ABCA4: variants seen among roughly 807,000 people sequenced by gnomAD.
The protein encoded by ABCA4 is ATP binding cassette subfamily A member 4, also known as retinal-specific phospholipid-transporting ATPase ABCA4.
A neutral mutation model predicts 263.7 loss-of-function variants in ABCA4; 196 were observed. The ratio of observed to expected loss-of-function variants is 0.74; its 90% CI spans 0.66 to 0.84. The LOEUF (loss-of-function observed/expected upper bound fraction) is 0.84, where lower values mean the gene tolerates loss of function less well. Among genes scored for constraint, ABCA4 ranks in the 40% least tolerant of loss-of-function variants. ABCA4 has a pLI of 0.00. For missense variants in ABCA4, 2,792 were observed against 2,855.1 expected (o/e 0.98, Z 0.50); for synonymous variants, 1,133 against 1,094.2 (o/e 1.04, Z -0.70).
At position 94,046,995 on chromosome 1, in the gene ABCA4, G is replaced by A. The variant is rs751222829; in HGVS notation, c.2842C>T (p.Arg948Cys). Residue 948 changes from arginine to cysteine, a missense_variant, in exon 19 of 50, where the codon CGT (arginine) becomes TGT (cysteine). Transcript: ENST00000370225. ...FEPCGRPAVD[R>C]LNITFYENQI... ...TTCTCGTAGAAGGTGATGTTCAGAC[G>A]GTCCACAGCTGGCCGGCCACAGGGC... 3.7e-6 allele frequency: 6 copies of A among 1,613,980 alleles called. No individual in the cohort carries two copies. Among genetic ancestry groups the A allele is most frequent in the African/African-American group, 2.7e-5 (2 of 74,874 alleles).
In ABCA4 at chr1:94,042,762, T is replaced by C. The variant is rs1660527673; in HGVS notation, c.3327A>G (p.Ser1109=). 4 of 1,614,082 alleles carry C rather than the reference T, an allele frequency of 2.5e-6. No homozygotes were observed. ...SIWDLLLKYR[S]GRTIIMSTHH... is the part of the protein sequence containing the mutation. ...AGGAGACTGAGCAGCAGCTGTTACCTGAGCGATACTTCAGGAGCAGATCCC... is the reference window on the plus strand; with the variant it reads ...AGGAGACTGAGCAGCAGCTGTTACCCGAGCGATACTTCAGGAGCAGATCCC... The change falls in exon 22 of 50, where the codon TCA becomes TCG. Residue 1109 remains serine, a splice_region_variant and synonymous_variant. Transcript: ENST00000370225.
chr1:93,997,209 G>C (rs1659031228), intron 48 of ABCA4, among the ~76,000 whole-genome samples: 1 of 152,186 alleles, frequency 6.6e-6, no homozygotes, highest in Non-Finnish European at 1.5e-5. Flanking sequence ...CACATGGAAT[G>C]CACGTTTATC....
chr1:94,015,958 G>A, intron 36 of ABCA4, 104 bp from the exon 37 acceptor site: 1 of 966,956 alleles, frequency 1.0e-6, no homozygotes, highest in South Asian at 1.4e-5. Flanking sequence ...TAGGGTCTGG[G>A]ATTCTGATTC....
chr1:94,099,582 G>T lies in ABCA4; in HGVS notation c.571-591C>A, dbSNP rs963574083. 7.9e-5 allele frequency among the ~76,000 whole-genome samples: 12 copies of T among 152,154 alleles called. 1 individual carries two copies. Among genetic ancestry groups the T allele is most frequent in the Admixed American group, 7.9e-4 (12 of 15,286 alleles). ...CAGCATGATGTTACAGTACCATCAA[G>T]GCTTCCTCTCTGAAGGTGGGGTTGA... On this transcript the variant is annotated intron_variant, in intron 5 of 49. Transcript: ENST00000370225.
intron 6 of ABCA4, among the ~76,000 whole-genome samples, chr1:94,091,053 G>A (rs1661954209): frequency 6.6e-6 from 1 of 152,212 alleles, no homozygotes; most frequent in South Asian, 2.1e-4. Flanking sequence ...GGAACGTGAA[G>A]AGAGTCAGCA....
rs111811707 is a variant in ABCA4, at chr1:94,013,364, C to T, written c.5460+1179G>A. 8.3e-3 allele frequency among the ~76,000 whole-genome samples: 1,269 copies of T among 152,292 alleles called. 24 individuals carry two copies. The highest frequency in any genetic ancestry group is 0.029 in the African/African-American group (1,199 of 41,572). On this transcript the variant is annotated intron_variant, in intron 38 of 49. Coordinates refer to ENST00000370225, the MANE Select transcript of ABCA4 (RefSeq NM_000350.3). ...AGTCTCAGGGGTCCACGGGTCTGGG[C>T]GGTTCATGGTGGGGCCTCCGCACAG... is the stretch of plus-strand genomic sequence containing the variant.
At position 94,111,549 on chromosome 1, in the gene ABCA4, G is replaced by A. The variant is rs1388219872; in HGVS notation, c.191C>T (p.Ala64Val). ...CHFPNKAMPSAGMLPWLQGIF... is the reference protein window; with the variant it reads ...CHFPNKAMPSVGMLPWLQGIF... ...CCCCTGGAGCCACGGCAGCATTCCTGCTGAGGGCATCGCCTTGTTGGGGAA... is the reference window on the plus strand; with the variant it reads ...CCCCTGGAGCCACGGCAGCATTCCTACTGAGGGCATCGCCTTGTTGGGGAA... The change falls in exon 3 of 50, where the codon GCA becomes GTA. Residue 64 changes from alanine (A) to valine (V), a missense_variant. Physicochemically the swap from Ala to Val is moderately conservative, Grantham distance 64. Coordinates refer to ENST00000370225, the MANE Select transcript of ABCA4 (RefSeq NM_000350.3). 6.2e-6 allele frequency: 10 copies of A among 1,614,114 alleles called. No individual in the cohort carries two copies. Among genetic ancestry groups the A allele is most frequent in the Non-Finnish European group, 8.5e-6 (10 of 1,180,036 alleles).
intron 4 of ABCA4, 119 bp downstream of exon 4, chr1:94,108,458 C>T: frequency 6.9e-7 from 1 of 1,450,240 alleles, no homozygotes; most frequent in Non-Finnish European, 9.6e-7. Flanking sequence ...GCCTCCAGAC[C>T]CCATCCCTTC....
At chr1:94,096,481 G>A (rs912295133) in intron 6 of ABCA4, among the ~76,000 whole-genome samples, 2 of 152,254 alleles carry the variant, frequency 1.3e-5, no homozygotes, top group South Asian at 2.1e-4. Flanking sequence ...CCTGATGCAG[G>A]TTTGAGTGCC....
chr1:94,114,136 G>A (rs1662684974), intron 1 of ABCA4, among the ~76,000 whole-genome samples: 1 of 152,192 alleles, frequency 6.6e-6, no homozygotes. Flanking sequence ...GTAACCCTTT[G>A]TTGTTTTCCT....
At chr1:94,054,274 G>A (rs1342354457) in intron 16 of ABCA4, among the ~76,000 whole-genome samples, 1 of 152,208 alleles carries the variant, frequency 6.6e-6, no homozygotes, top group Non-Finnish European at 1.5e-5. Flanking sequence ...CCACATGCAT[G>A]CTCTCTGGGC....
chr1:94,010,268 C>G (rs1659509508), intron 40 of ABCA4, among the ~76,000 whole-genome samples: 1 of 152,174 alleles, frequency 6.6e-6, no homozygotes, highest in South Asian at 2.1e-4. Flanking sequence ...ATGGCAATTG[C>G]CAGCTAACCT....
chr1:94,019,025 T>G (rs1461057840), intron 36 of ABCA4, among the ~76,000 whole-genome samples: 5 of 144,798 alleles, frequency 3.5e-5, no homozygotes, highest in Admixed American at 7.0e-5. Context: ...CCAGGTTTTT[T>G]TTTTTTTTTT....
At chr1:94,009,002 C>T (rs1043685049) in intron 40 of ABCA4, 131 bp from the exon 41 acceptor site, 3 of 1,301,702 alleles carry the variant, frequency 2.3e-6, no homozygotes, top group Non-Finnish European at 3.2e-6. Flanking sequence ...GACTTAAATT[C>T]TAAAAAGGGC....
chr1:94,014,948 T>C (rs1278659764), intron 37 of ABCA4, among the ~76,000 whole-genome samples: 1 of 152,174 alleles, frequency 6.6e-6, no homozygotes, highest in Non-Finnish European at 1.5e-5. Flanking sequence ...CTCTGTAAAC[T>C]ACAAAGCCCT....
rs114571065 is a variant in ABCA4 at position 94,078,243 on chromosome 1, C to A, written c.1356+347G>T. ...TTGCAAAGCTGAAAATGAGACCAGA[C>A]AAACACATTCCACCATCTTTGGAGT... On this transcript the variant is annotated intron_variant, in intron 10 of 49. Coordinates refer to ENST00000370225, the MANE Select transcript of ABCA4 (RefSeq NM_000350.3). Among the ~76,000 whole-genome samples the A allele has an allele frequency of 1.6e-3, 244 of 152,318 alleles. 1 individual carries two copies. The highest frequency in any genetic ancestry group is 5.4e-3 in the African/African-American group (225 of 41,562).
chr1:94,025,755 G>A (rs974659225), intron 30 of ABCA4, among the ~76,000 whole-genome samples: 2 of 152,090 alleles, frequency 1.3e-5, no homozygotes, highest in Non-Finnish European at 2.9e-5. Context: ...TATCTTCATA[G>A]CTCTCATTTC....
chr1:94,022,819 G>C (rs1390263774), intron 32 of ABCA4, among the ~76,000 whole-genome samples: 1 of 152,182 alleles, frequency 6.6e-6, no homozygotes. Context: ...CTGAAAGCCA[G>C]ATTTCATGTG....
chr1:94,099,086 G>A, intron 5 of ABCA4, 95 bp from the exon 6 acceptor site: 1 of 1,323,750 alleles, frequency 7.6e-7, no homozygotes, highest in Non-Finnish European at 1.0e-6. Flanking sequence ...TGTGTTACAT[G>A]GCGACAGGAA....
Sources: allele counts gnomAD v4.1 joint callset (sites outside exome capture counted in the v4.1 genomes callset), GRCh38; gene constraint gnomAD v4.1.1; transcripts MANE v1.5; gene names NCBI Gene and HGNC (gene_info 2026-07-23, HGNC 2026-07-21).